FRMPD4: variants seen among roughly 807,000 people sequenced by gnomAD.
FRMPD4 encodes FERM and PDZ domain-containing protein 4.
A neutral mutation model predicts 94.1 loss-of-function variants in FRMPD4; 22 were observed. That is an observed-to-expected ratio of 0.23 (90% confidence interval 0.17 to 0.33). FRMPD4 has a LOEUF of 0.33. Among genes scored for constraint, FRMPD4 ranks in the 10% least tolerant of loss-of-function variants. FRMPD4 has a pLI of 1.00. For missense variants in FRMPD4, 1,111 were observed against 1,339.9 expected (o/e 0.83, Z 2.67); for synonymous variants, 631 against 548.6 (o/e 1.15, Z -2.10).
At chrX:12,455,813 C>T (rs2057327163) in intron 1 of FRMPD4, among the ~76,000 whole-genome samples, 1 of 112,109 alleles carries the variant, frequency 8.9e-6, no homozygotes, top group Non-Finnish European at 1.9e-5. Context: ...ATGTAGCTTT[C>T]AAACATTTTT....
chrX:12,680,127 G>C (rs1186159206), intron 5 of FRMPD4, among the ~76,000 whole-genome samples: 1 of 112,143 alleles, frequency 8.9e-6, no homozygotes. Flanking sequence ...CTATGTTCTA[G>C]TAACTTCTAA....
chrX:12,366,176 A>T (rs756995300), intron 1 of FRMPD4, among the ~76,000 whole-genome samples: 1 of 112,343 alleles, frequency 8.9e-6, no homozygotes, highest in African/African-American at 3.2e-5. Flanking sequence ...AGGGTTTGCC[A>T]GGCCAAGAAA....
intron 1 of FRMPD4, among the ~76,000 whole-genome samples, chrX:12,260,831 C>T (rs1324823745): frequency 8.9e-6 from 1 of 111,943 alleles, no homozygotes; most frequent in Non-Finnish European, 1.9e-5. Context: ...ATCCTCCACG[C>T]GTTTGCTTAA....
intron 3 of FRMPD4, among the ~76,000 whole-genome samples, chrX:12,109,742 C>A (rs1439203550): frequency 2.2e-4 from 25 of 111,826 alleles, no homozygotes; most frequent in East Asian, 2.8e-4. Flanking sequence ...GGGGATATCA[C>A]CACTGATCCC....
chrX:12,577,996 C>T (rs755170564), intron 2 of FRMPD4, among the ~76,000 whole-genome samples: 3 of 112,567 alleles, frequency 2.7e-5, no homozygotes, highest in Non-Finnish European at 5.6e-5. Flanking sequence ...GGTGAAGGCC[C>T]GCTTTAGGGC....
intron 3 of FRMPD4, among the ~76,000 whole-genome samples, chrX:11,935,267 G>GTTTTTTTT (rs1569129076): frequency 3.1e-4 from 1 of 3,236 alleles, no homozygotes; most frequent in Non-Finnish European, 5.2e-4. Flanking sequence ...TTTTTTTAAT[G>GTTTTTTTT]TGTTTTTTTT....
intron 1 of FRMPD4, among the ~76,000 whole-genome samples, chrX:12,309,381 A>G (rs2054995882): frequency 1.8e-5 from 2 of 112,255 alleles, no homozygotes; most frequent in South Asian, 7.4e-4. Flanking sequence ...AAAAAGTCTT[A>G]TGGTCTGTTT....
chrX:12,061,483 A>C (rs769440278), intron 3 of FRMPD4, among the ~76,000 whole-genome samples: 2 of 111,894 alleles, frequency 1.8e-5, no homozygotes, highest in African/African-American at 6.5e-5. Context: ...CTCCTGCAAT[A>C]CCCATTGGGG....
At chrX:11,921,024 GC>G (rs933152963) in intron 3 of FRMPD4, among the ~76,000 whole-genome samples, 3 of 112,055 alleles carry the variant, frequency 2.7e-5, no homozygotes, top group African/African-American at 6.5e-5. Context: ...TGGTTTAATT[GC>G]CCCCAATTGT....
At chrX:12,614,348 C>T (rs1191922626) in intron 3 of FRMPD4, among the ~76,000 whole-genome samples, 2 of 110,760 alleles carry the variant, frequency 1.8e-5, no homozygotes, top group Non-Finnish European at 3.8e-5. Flanking sequence ...GATTGGCTAC[C>T]TGTTGAGAGA....
At chrX:12,316,321 GT>G (rs200259407) in intron 1 of FRMPD4, among the ~76,000 whole-genome samples, 3,757 of 102,089 alleles carry the variant, frequency 0.037, 160 homozygotes, top group African/African-American at 0.12. Flanking sequence ...TAATTTTTGT[GT>G]TTTTTTTTTT....
chrX:11,927,469 G>A (rs1253561499), intron 3 of FRMPD4, among the ~76,000 whole-genome samples: 1 of 111,712 alleles, frequency 9.0e-6, no homozygotes, highest in Non-Finnish European at 1.9e-5. Flanking sequence ...AACAAAGCTG[G>A]AGGCATCACA....
chrX:12,539,553 C>T (rs1170526132), intron 2 of FRMPD4, among the ~76,000 whole-genome samples: 3 of 111,742 alleles, frequency 2.7e-5, no homozygotes, highest in Non-Finnish European at 5.6e-5. Flanking sequence ...GTAGGGTTAA[C>T]CAACAAAGGG....
intron 3 of FRMPD4, among the ~76,000 whole-genome samples, chrX:12,132,854 A>G (rs1391711625): frequency 1.8e-5 from 2 of 110,710 alleles, no homozygotes; most frequent in Admixed American, 9.7e-5. Flanking sequence ...AATAGATTCA[A>G]GATACAGTAG....
chrX:12,076,334 G>GTGTGTGTGTGTGTGTGTGTGTGTA, intron 3 of FRMPD4, among the ~76,000 whole-genome samples: 1 of 108,333 alleles, frequency 9.2e-6, no homozygotes, highest in South Asian at 4.1e-4. Context: ...AAACGTGTGT[G>GTGTGTGTGTGTGTGTGTGTGTGTA]TGTGTGTGTG....
chrX:12,118,585 G>T (rs1398347073), intron 3 of FRMPD4, among the ~76,000 whole-genome samples: 2 of 111,514 alleles, frequency 1.8e-5, no homozygotes, highest in Non-Finnish European at 3.8e-5. Flanking sequence ...GAGGAGTGGG[G>T]GCAGGGACAG....
chrX:12,240,672 T>C (rs2057119756), intron 1 of FRMPD4, among the ~76,000 whole-genome samples: 1 of 112,361 alleles, frequency 8.9e-6, no homozygotes, highest in South Asian at 3.7e-4. Flanking sequence ...TTATGGGGCT[T>C]TTTATAGATC....
chrX:12,090,373 C>T (rs1483944025), intron 3 of FRMPD4, among the ~76,000 whole-genome samples: 2 of 110,430 alleles, frequency 1.8e-5, no homozygotes, highest in Non-Finnish European at 3.8e-5. Context: ...CCTGAGGCCT[C>T]CCCAGAAGCC....
At chrX:12,580,748 A>G (rs757726737) in intron 2 of FRMPD4, among the ~76,000 whole-genome samples, 1 of 111,374 alleles carries the variant, frequency 9.0e-6, no homozygotes, top group African/African-American at 3.3e-5. Context: ...CTCCTGGATT[A>G]TTGAGCCATG....
Sources: gnomAD v4.1 joint callset for allele counts (sites outside exome capture counted in the v4.1 genomes callset) on GRCh38, gnomAD v4.1.1 for gene constraint, MANE v1.5 for transcripts, NCBI Gene and HGNC (gene_info 2026-07-23, HGNC 2026-07-21) for gene names.